Variants in LMAN2L observed in about 807,000 individuals in gnomAD.
The protein encoded by LMAN2L is VIP36-like protein.
A neutral mutation model predicts 44.3 loss-of-function variants in LMAN2L; 30 were observed. The ratio of observed to expected loss-of-function variants is 0.68; its 90% CI spans 0.51 to 0.92. The LOEUF is 0.92. LMAN2L is among the 40% of genes least tolerant of loss of function. LMAN2L has a pLI of 0.00. For synonymous variants in LMAN2L, 183 were observed against 171.1 expected, an observed-to-expected ratio of 1.07 and a Z score of -0.54; for missense variants, 429 against 446.1, an observed-to-expected ratio of 0.96 and a Z score of 0.35.
Position 96,738,200 on chromosome 2 carries a change from C to T in LMAN2L, c.188-133G>A, listed in dbSNP as rs1350058859. 5 of 641,990 alleles carry T rather than the reference C, an allele frequency of 7.8e-6. No homozygotes were observed. The African/African-American group carries it at 9.1e-5, about 12-fold the overall frequency. The allele number at this position is 641,990 out of a possible 1,614,324, so 39.8% of individuals were successfully genotyped here. A position where few individuals can be genotyped will look rare whatever the true frequency, so the allele number is the denominator to read the frequency against. On this transcript the variant is annotated intron_variant, in intron 1 of 7. Transcript: ENST00000264963. ...TGTCACTCAATCTCCTATCTTCTCT[C>T]AGTCATGAATCTTACCATCTCTACA...
At chr2:96,717,763 C>G (rs2078070129) in intron 4 of LMAN2L, among the ~76,000 whole-genome samples, 2 of 150,610 alleles carry the variant, frequency 1.3e-5, no homozygotes, top group African/African-American at 4.9e-5. Flanking sequence ...CGCTTGAACC[C>G]AGGAGGCAGA....
chr2:96,707,272 C>T lies in LMAN2L; in HGVS notation c.1031G>A (p.Arg344Gln), dbSNP rs200471379. Residue 344 changes from arginine to glutamine, a missense_variant, in exon 8 of 8, where the codon CGA becomes CAA. By Grantham distance (43) the Arg-to-Gln change is conservative (BLOSUM62 1). Transcript: ENST00000264963. ...CAGGAGGGCTCAGTAGAAGCGCTTT[C>T]GGCTCTGTTCCTGCCATTTGTTGTA... ...ILYNKWQEQSRKRFY is the reference protein window; with the variant it reads ...ILYNKWQEQSQKRFY 15 of 1,613,980 alleles carry T rather than the reference C, an allele frequency of 9.3e-6. No individual in the cohort carries two copies. The Admixed American group carries it at 1.0e-4, about 11-fold the overall frequency.
intron 2 of LMAN2L, among the ~76,000 whole-genome samples, chr2:96,736,617 A>G (rs2078521546): frequency 6.6e-6 from 1 of 152,200 alleles, no homozygotes; most frequent in African/African-American, 2.4e-5. Flanking sequence ...TATTTCTATA[A>G]CCATTTTAAC....
chr2:96,713,156 G>A, intron 4 of LMAN2L: 1 of 1,550,844 alleles, frequency 6.4e-7, no homozygotes, highest in Non-Finnish European at 8.7e-7. Flanking sequence ...GGGTCCAGCA[G>A]GTTATGATAA....
chr2:96,706,364 A>C lies in LMAN2L; in HGVS notation c.*892T>G, dbSNP rs929107505. 2.0e-5 allele frequency: 3 copies of C among 152,274 alleles called. No individual in the cohort carries two copies. Among genetic ancestry groups the C allele is most frequent in the Admixed American group, 2.0e-4 (3 of 15,286 alleles). 9.4% of individuals were successfully genotyped at this position (152,274 alleles called of 1,614,324 possible). A position where few individuals can be genotyped will look rare whatever the true frequency, so the allele number is the denominator to read the frequency against. On this transcript the variant is annotated 3_prime_UTR_variant, in exon 8 of 8. Coordinates refer to ENST00000264963, the MANE Select transcript of LMAN2L (RefSeq NM_030805.4). Reference sequence around the variant, plus strand: ...CAGCTAAGCAGGCTCTAGCAAGTCCAGAAACATCTCCACATGGTCAGACCA... The same window carrying C: ...CAGCTAAGCAGGCTCTAGCAAGTCCCGAAACATCTCCACATGGTCAGACCA...
intron 4 of LMAN2L, among the ~76,000 whole-genome samples, chr2:96,718,644 A>G (rs868370245): frequency 8.5e-5 from 13 of 152,340 alleles, no homozygotes; most frequent in Middle Eastern, 6.8e-3. Context: ...TCAAAGCTGT[A>G]TAAGCTGCTG....
chr2:96,724,060 C>G (rs556499063), intron 4 of LMAN2L, among the ~76,000 whole-genome samples: 38 of 151,482 alleles, frequency 2.5e-4, no homozygotes, highest in South Asian at 1.0e-3. Flanking sequence ...GATCGTGCCA[C>G]TGCACTCCAG....
At chr2:96,716,704 G>A (rs1186192457) in intron 4 of LMAN2L, among the ~76,000 whole-genome samples, 1 of 152,158 alleles carries the variant, frequency 6.6e-6, no homozygotes, top group African/African-American at 2.4e-5. Context: ...CATTTCACAG[G>A]TAAAAAACTT....
intron 4 of LMAN2L, among the ~76,000 whole-genome samples, chr2:96,723,670 T>A (rs1447859405): frequency 1.3e-5 from 2 of 152,210 alleles, no homozygotes; most frequent in African/African-American, 4.8e-5. Context: ...TACATTTAGA[T>A]CTTTCATCCA....
rs181542540 is a variant in LMAN2L at position 96,706,922 on chromosome 2, C to T, written c.*334G>A. Reference sequence around the variant, plus strand: ...GAAGGGCCTTCTGAGTCAAACAACACGGCAGCCTGGGCTATGAAATTCTGT... The same window carrying T: ...GAAGGGCCTTCTGAGTCAAACAACATGGCAGCCTGGGCTATGAAATTCTGT... On this transcript the variant is annotated 3_prime_UTR_variant, in exon 8 of 8. Coordinates refer to ENST00000264963, the MANE Select transcript of LMAN2L (RefSeq NM_030805.4). The T allele has an allele frequency of 3.4e-5, 6 of 176,202 alleles. No individual in the cohort carries two copies. The highest frequency in any genetic ancestry group is 1.9e-4 in the South Asian group (1 of 5,268). The allele number at this position is 176,202 out of a possible 1,614,324, so 10.9% of individuals were successfully genotyped here.
At position 96,734,454 on chromosome 2, in the gene LMAN2L, C is replaced by T. The variant is rs2078471913; in HGVS notation, c.379G>A (p.Gly127Arg). The T allele has an allele frequency of 6.2e-7, 1 of 1,613,810 alleles. No individual in the cohort carries two copies. The highest frequency in any genetic ancestry group is 8.5e-7 in the Non-Finnish European group (1 of 1,179,784). The change falls in exon 3 of 8, where the codon GGG becomes AGG. Residue 127 changes from glycine (G) to arginine (R), a missense_variant. Transcript: ENST00000264963. The part of the protein sequence containing the change: ...IHGQGKKNLH[G>R]DGLAIWYTKD... ...GTGTACCAGATTGCCAAGCCATCCC[C>T]ATGCAGATTCTTCTTTCCTTGTCCA...
intron 4 of LMAN2L, among the ~76,000 whole-genome samples, chr2:96,733,115 A>G (rs764286260): frequency 6.6e-5 from 10 of 152,168 alleles, no homozygotes; most frequent in Non-Finnish European, 1.3e-4. Flanking sequence ...GAAGAAAAAG[A>G]AGCTGAAAAG....
chr2:96,713,171 A>G, intron 4 of LMAN2L: 1 of 1,546,546 alleles, frequency 6.5e-7, no homozygotes, highest in African/African-American at 1.4e-5. Flanking sequence ...TGATAAAAAC[A>G]AGAGAGGGCA....
intron 4 of LMAN2L, among the ~76,000 whole-genome samples, chr2:96,720,737 G>A (rs553199798): frequency 1.3e-5 from 2 of 152,128 alleles, no homozygotes; most frequent in Admixed American, 6.5e-5. Context: ...TCAGGAGTTC[G>A]AGACCAGCCT....
chr2:96,729,150 C>T (rs1167880181), intron 4 of LMAN2L, among the ~76,000 whole-genome samples: 3 of 150,236 alleles, frequency 2.0e-5, no homozygotes, highest in Admixed American at 6.7e-5. Context: ...CCAGCCTGGG[C>T]GACAGAGCAA....
At chr2:96,710,316 T>C (rs1183045106) in intron 6 of LMAN2L, among the ~76,000 whole-genome samples, 1 of 152,182 alleles carries the variant, frequency 6.6e-6, no homozygotes, top group African/African-American at 2.4e-5. Flanking sequence ...CTCAGTAAAG[T>C]TGATTTTAAA....
intron 4 of LMAN2L, among the ~76,000 whole-genome samples, chr2:96,720,731 G>A (rs2153326362): frequency 6.6e-6 from 1 of 152,242 alleles, no homozygotes; most frequent in East Asian, 1.9e-4. Context: ...ACAAGGTCAG[G>A]AGTTCGAGAC....
intron 4 of LMAN2L, among the ~76,000 whole-genome samples, chr2:96,720,847 G>A (rs755619332): frequency 5.3e-5 from 8 of 152,130 alleles, no homozygotes; most frequent in Admixed American, 2.6e-4. Flanking sequence ...GCTGAGGCAG[G>A]AGAATCACTT....
chr2:96,740,059 T>C lies in LMAN2L; in HGVS notation c.-19A>G, dbSNP rs200651101. 1.3e-6 allele frequency: 2 copies of C among 1,590,996 alleles called. No homozygotes were observed. Among genetic ancestry groups the C allele is most frequent in the Non-Finnish European group, 1.7e-6 (2 of 1,169,090 alleles). The stretch of plus-strand genomic sequence containing the variant: ...CCGCCATCTTTCCCACCAACGACCC[T>C]TCATCAAAAGCCCGCCCCGTCGCCC... On this transcript the variant is annotated 5_prime_UTR_variant, in exon 1 of 8. Coordinates refer to ENST00000264963, the MANE Select transcript of LMAN2L (RefSeq NM_030805.4).
Sources: gnomAD v4.1 joint callset for allele counts (sites outside exome capture counted in the v4.1 genomes callset) on GRCh38, gnomAD v4.1.1 for gene constraint, MANE v1.5 for transcripts, NCBI Gene and HGNC (gene_info 2026-07-23, HGNC 2026-07-21) for gene names.